The following SLC25A26 variants were observed in gnomAD, a reference collection of about 807,000 sequenced individuals.
SLC25A26 encodes the protein mitochondrial S-adenosylmethionine carrier protein.
Under a neutral mutation model 37.8 loss-of-function variants are expected in SLC25A26, and 36 were observed. That is an observed-to-expected ratio of 0.95 (90% CI 0.73 to 1.26). The LOEUF (loss-of-function observed/expected upper bound fraction) is 1.26. Among genes scored for constraint, SLC25A26 ranks in the 50% most tolerant of loss-of-function variants. SLC25A26 has a pLI of 0.00. For missense variants in SLC25A26, 390 were observed against 331.1 expected (o/e 1.18, Z -1.38); for synonymous variants, 129 against 122.5 (o/e 1.05, Z -0.35).
At position 66,146,510 on chromosome 3, in the gene SLC25A26, T is replaced by C. The variant is rs575443086; in HGVS notation, c.-354+12526T>C. Among the ~76,000 whole-genome samples the C allele has an allele frequency of 7.2e-5, 11 of 152,206 alleles. No individual in the cohort carries two copies. In the South Asian group the frequency reaches 2.3e-3, roughly 32 times the overall value. ...ATTCTGCTTTTTTTATATTTTCATATTTTTTCTATATGAATATGTATTATT... is the reference window on the plus strand; with the variant it reads ...ATTCTGCTTTTTTTATATTTTCATACTTTTTCTATATGAATATGTATTATT... On this transcript the variant is annotated intron_variant, in intron 1 of 10. Coordinates refer to the SLC25A26 transcript ENST00000676754.
intron 5 of SLC25A26, among the ~76,000 whole-genome samples, chr3:66,324,762 A>G (rs994074226): frequency 6.6e-6 from 1 of 151,552 alleles, no homozygotes; most frequent in Non-Finnish European, 1.5e-5. Flanking sequence ...TTTTGCAAAG[A>G]TGATTTCATT....
chr3:66,220,543 G>T (rs146641884), upstream of SLC25A26, among the ~76,000 whole-genome samples: 2 of 152,158 alleles, frequency 1.3e-5, no homozygotes, highest in Non-Finnish European at 2.9e-5. Flanking sequence ...AACTTCTGAT[G>T]TATTTTTCTA....
At chr3:66,209,540 T>G (rs956993755) in intron 1 of SLC25A26, among the ~76,000 whole-genome samples, 2 of 142,322 alleles carry the variant, frequency 1.4e-5, no homozygotes, top group Non-Finnish European at 3.0e-5. Flanking sequence ...TATCAAAATA[T>G]AGAAGGTATA....
intron 1 of SLC25A26, among the ~76,000 whole-genome samples, chr3:66,143,221 T>A (rs2070062816): frequency 6.6e-6 from 1 of 152,242 alleles, no homozygotes; most frequent in Non-Finnish European, 1.5e-5. Flanking sequence ...TAACACAATT[T>A]GTCTATCTAT....
At chr3:66,236,857 G>C in intron 2 of SLC25A26, 157 bp downstream of exon 2, 1 of 284,382 alleles carries the variant, frequency 3.5e-6, no homozygotes, top group Non-Finnish European at 5.3e-6. Context: ...ATTTATTTTA[G>C]TCACGGTCTC....
intron 5 of SLC25A26, among the ~76,000 whole-genome samples, chr3:66,320,826 A>G (rs1273407273): frequency 6.6e-6 from 1 of 152,192 alleles, no homozygotes; most frequent in Non-Finnish European, 1.5e-5. Flanking sequence ...TACGTTTAAG[A>G]TAATTTGTTT....
rs150689892 is a variant in SLC25A26, at chr3:66,307,892, G to A, written c.454-38472G>A. On this transcript the variant is annotated intron_variant, in intron 5 of 9. Transcript: ENST00000354883. ...TCTGGTACCAGTACCCTGCTGTTTA[G>A]GGTTGCTGTAGCCTTGTAGTATAGT... Among the ~76,000 whole-genome samples the A allele has an allele frequency of 2.2e-3, 332 of 152,204 alleles. 4 individuals carry two copies. In the East Asian group the frequency reaches 0.023, roughly 10 times the overall value.
At chr3:66,358,551 C>G (rs1221042778) in intron 6 of SLC25A26, among the ~76,000 whole-genome samples, 1 of 152,216 alleles carries the variant, frequency 6.6e-6, no homozygotes. Flanking sequence ...TCCTATAGAT[C>G]CAAACCCATG....
chr3:66,146,074 T>C (rs187210671), intron 1 of SLC25A26, among the ~76,000 whole-genome samples: 102 of 152,296 alleles, frequency 6.7e-4, no homozygotes, highest in Non-Finnish European at 1.1e-3. Flanking sequence ...GCGCAGTGGC[T>C]CACACCTGTA....
chr3:66,235,329 G>GT (rs977193327), intron 1 of SLC25A26, among the ~76,000 whole-genome samples: 5 of 152,106 alleles, frequency 3.3e-5, no homozygotes, highest in East Asian at 1.9e-4. Flanking sequence ...TTCTTAATCA[G>GT]TTTTTTCCCC....
At chr3:66,147,487 G>A (rs2106682576) in intron 1 of SLC25A26, among the ~76,000 whole-genome samples, 1 of 152,002 alleles carries the variant, frequency 6.6e-6, no homozygotes, top group Non-Finnish European at 1.5e-5. Context: ...TCACTCGTTG[G>A]TTGATGGACA....
rs1211121599 is a variant in SLC25A26, at chr3:66,150,547, A to T, written c.-354+16563A>T. Among the ~76,000 whole-genome samples, 46 of 127,846 alleles carry T rather than the reference A, an allele frequency of 3.6e-4. 2 individuals carry two copies. The highest frequency in any genetic ancestry group is 9.4e-4 in the African/African-American group (32 of 34,114). 83.9% of individuals were successfully genotyped at this position (127,846 alleles called of 152,430 possible). On this transcript the variant is annotated intron_variant, in intron 1 of 10. Transcript: ENST00000676754. ...ATGATATATATATATATATATATAA[A>T]ATATATATAATGATATATATAAAAA...
At chr3:66,359,107 A>G (rs1054624748) in intron 6 of SLC25A26, among the ~76,000 whole-genome samples, 7 of 152,128 alleles carry the variant, frequency 4.6e-5, no homozygotes, top group Non-Finnish European at 1.0e-4. Context: ...TGGCCAGGTG[A>G]TAGTGGAAAG....
chr3:66,216,003 T>G (rs987010376), upstream of SLC25A26, among the ~76,000 whole-genome samples: 1,424 of 152,302 alleles, frequency 9.3e-3, 19 homozygotes, highest in African/African-American at 0.032. Context: ...AACAGTATCC[T>G]TACGTGCTCA....
chr3:66,304,552 A>G, intron 5 of SLC25A26: 2 of 446,692 alleles, frequency 4.5e-6, no homozygotes, highest in South Asian at 3.2e-5. Flanking sequence ...GCTCTGTAAC[A>G]ACCCCTGATT....
At chr3:66,231,057 C>G (rs2072002754) in intron 1 of SLC25A26, among the ~76,000 whole-genome samples, 2 of 152,116 alleles carry the variant, frequency 1.3e-5, no homozygotes, top group Admixed American at 1.3e-4. Context: ...TGCCTGTAGT[C>G]TCAGCTACTC....
chr3:66,281,996 A>ATT (rs71105977), intron 5 of SLC25A26, among the ~76,000 whole-genome samples: 4,237 of 64,388 alleles, frequency 0.066, 831 homozygotes, highest in African/African-American at 0.17. Context: ...CTGATTTTGC[A>ATT]TTTTTTTTTT....
rs370861854 is a variant in SLC25A26, at chr3:66,152,726, G to C, written c.-354+18742G>C. Among the ~76,000 whole-genome samples the C allele has an allele frequency of 6.6e-5, 10 of 152,306 alleles. No individual in the cohort carries two copies. The South Asian group carries it at 1.0e-3, about 16-fold the overall frequency. ...GGAATTTGTAATTTATTTGGCTGAC[G>C]TTGTCTATTTGCTAGCTTCAGAAGT... On this transcript the variant is annotated intron_variant, in intron 1 of 10. Coordinates refer to the SLC25A26 transcript ENST00000676754.
chr3:66,160,908 C>G (rs2070349706), intron 1 of SLC25A26, among the ~76,000 whole-genome samples: 1 of 152,070 alleles, frequency 6.6e-6, no homozygotes, highest in Non-Finnish European at 1.5e-5. Flanking sequence ...GCACTCCAGC[C>G]TGGGCAACAG....
Sources: gnomAD v4.1 joint callset for allele counts (sites outside exome capture counted in the v4.1 genomes callset) on GRCh38, gnomAD v4.1.1 for gene constraint, MANE v1.5 for transcripts, NCBI Gene and HGNC (gene_info 2026-07-23, HGNC 2026-07-21) for gene names.